The following UBL3 variants were observed in gnomAD, a reference collection of about 807,000 sequenced individuals.
UBL3 encodes the protein ubiquitin-like protein 3.
In UBL3, 6 loss-of-function variants were observed where a neutral mutation model predicts 18.4. That is an observed-to-expected ratio of 0.33 (90% CI 0.18 to 0.64). UBL3 has a LOEUF of 0.64. UBL3 is among the 30% of genes least tolerant of loss of function. The pLI, the probability that UBL3 is intolerant of heterozygous loss-of-function variation, is 0.76. For missense variants in UBL3, 109 were observed against 142.9 expected, an observed-to-expected ratio of 0.76 and a Z score of 1.21; for synonymous variants, 49 against 46.6, an observed-to-expected ratio of 1.05 and a Z score of -0.21.
chr13:29,845,331 T>G (rs1879203025), intron 1 of UBL3, among the ~76,000 whole-genome samples: 1 of 152,048 alleles, frequency 6.6e-6, no homozygotes, highest in Admixed American at 6.6e-5. Flanking sequence ...ATTAAGCTAT[T>G]CAAGTCACAC....
Position 29,765,846 on chromosome 13 carries a change from CCATTTA to C in UBL3, c.*1403_*1408del, listed in dbSNP as rs1876664423. On this transcript the variant is annotated 3_prime_UTR_variant, in exon 5 of 5. Transcript: ENST00000380680. ...TTTAAACAACGCTGACCATTTGAAA[CCATTTA>C]CATTTAATGTTTGTAAGGGCTGTTG... The C allele has an allele frequency of 6.7e-6, 1 of 148,794 alleles. No homozygotes were observed. The highest frequency in any genetic ancestry group is 1.5e-5 in the Non-Finnish European group (1 of 67,234). The allele number at this position is 148,794 out of a possible 1,614,324, so 9.2% of individuals were successfully genotyped here. A position where few individuals can be genotyped will look rare whatever the true frequency, so the allele number is the denominator to read the frequency against.
chr13:29,826,266 G>T (rs1878616338), intron 1 of UBL3, among the ~76,000 whole-genome samples: 1 of 152,218 alleles, frequency 6.6e-6, no homozygotes. Context: ...AGTTTCAGAA[G>T]GAATGGTACC....
chr13:29,802,276 A>T (rs370070899), intron 1 of UBL3, among the ~76,000 whole-genome samples: 62 of 152,350 alleles, frequency 4.1e-4, no homozygotes, highest in African/African-American at 1.4e-3. Flanking sequence ...AGGACAAGGC[A>T]CAAAGCTTTG....
At chr13:29,780,120 C>T (rs1335493394) in intron 1 of UBL3, among the ~76,000 whole-genome samples, 1 of 151,616 alleles carries the variant, frequency 6.6e-6, no homozygotes. Flanking sequence ...TTTGGGAGGC[C>T]AAGGCGGGAG....
At chr13:29,772,926 A>G (rs1876882813) in intron 2 of UBL3, among the ~76,000 whole-genome samples, 1 of 152,136 alleles carries the variant, frequency 6.6e-6, no homozygotes, top group Non-Finnish European at 1.5e-5. Context: ...ATATTATTGT[A>G]AAAGATGGAA....
chr13:29,834,597 T>TA (rs964192595), intron 1 of UBL3, among the ~76,000 whole-genome samples: 7 of 152,236 alleles, frequency 4.6e-5, no homozygotes, highest in South Asian at 2.1e-4. Flanking sequence ...GGCTTAATGA[T>TA]AAAAAAATGT....
chr13:29,770,812 T>C (rs1023709215), intron 3 of UBL3, among the ~76,000 whole-genome samples: 1 of 113,076 alleles, frequency 8.8e-6, no homozygotes, highest in African/African-American at 3.0e-5. Context: ...CATCTATTTA[T>C]ACAAAAGCTA....
chr13:29,832,952 G>C (rs928530837), intron 1 of UBL3, among the ~76,000 whole-genome samples: 3 of 152,246 alleles, frequency 2.0e-5, no homozygotes, highest in Non-Finnish European at 4.4e-5. Flanking sequence ...TCCACTTTAA[G>C]CAGAAAGTGA....
At chr13:29,791,089 A>T (rs1417216735) in intron 1 of UBL3, among the ~76,000 whole-genome samples, 1 of 152,198 alleles carries the variant, frequency 6.6e-6, no homozygotes, top group African/African-American at 2.4e-5. Context: ...ATTTCTTAAC[A>T]ACAGATATCT....
intron 1 of UBL3, among the ~76,000 whole-genome samples, chr13:29,807,314 T>C (rs1877921807): frequency 6.6e-6 from 1 of 152,326 alleles, no homozygotes; most frequent in Non-Finnish European, 1.5e-5. Context: ...GCTGACTATA[T>C]AATCTTGGGT....
rs1879341535 is a variant in UBL3, at chr13:29,850,335, T to G, written c.-797A>C. The stretch of plus-strand genomic sequence containing the variant: ...CGCATCGTCTCCGGCTCCTCGCCAC[T>G]CCTCTTCTGCCTCCGCCTTCCCCGC... On this transcript the variant is annotated 5_prime_UTR_variant, in exon 1 of 5. Transcript: ENST00000380680. 6.5e-6 allele frequency: 1 copy of G among 153,306 alleles called. No individual in the cohort carries two copies. Among genetic ancestry groups the G allele is most frequent in the Non-Finnish European group, 1.5e-5 (1 of 68,520 alleles). The allele number at this position is 153,306 out of a possible 1,614,324, so 9.5% of individuals were successfully genotyped here. A position where few individuals can be genotyped will look rare whatever the true frequency, so the allele number is the denominator to read the frequency against.
At chr13:29,813,370 T>C (rs995710494) in intron 1 of UBL3, among the ~76,000 whole-genome samples, 1 of 152,000 alleles carries the variant, frequency 6.6e-6, no homozygotes, top group Non-Finnish European at 1.5e-5. Context: ...TAAATCTTTT[T>C]TTACAATGAA....
intron 1 of UBL3, among the ~76,000 whole-genome samples, chr13:29,804,196 GAAC>G: frequency 2.0e-5 from 3 of 151,670 alleles, no homozygotes; most frequent in Admixed American, 2.0e-4. Context: ...CAGGTAAATT[GAAC>G]AACCTACTCC....
intron 1 of UBL3, among the ~76,000 whole-genome samples, chr13:29,838,432 T>C (rs1010228293): frequency 1.3e-5 from 2 of 152,170 alleles, no homozygotes; most frequent in African/African-American, 4.8e-5. Context: ...AACAACAACA[T>C]TACTCTTATT....
At chr13:29,795,365 T>A (rs73446273) in intron 1 of UBL3, among the ~76,000 whole-genome samples, 2,823 of 152,128 alleles carry the variant, frequency 0.019, 83 homozygotes, top group African/African-American at 0.064. Context: ...AACCTAATAA[T>A]ATAAAAAATA....
intron 1 of UBL3, among the ~76,000 whole-genome samples, chr13:29,806,766 A>C (rs1200541311): frequency 6.6e-6 from 1 of 152,186 alleles, no homozygotes; most frequent in Non-Finnish European, 1.5e-5. Flanking sequence ...GGATATTATA[A>C]TGGCCATGGC....
At chr13:29,831,599 A>G (rs1302602425) in intron 1 of UBL3, among the ~76,000 whole-genome samples, 1 of 151,882 alleles carries the variant, frequency 6.6e-6, no homozygotes, top group Middle Eastern at 3.2e-3. Context: ...AAAAGAAAAA[A>G]AAAAAAAAAA....
intron 3 of UBL3, 23 bp downstream of exon 3, chr13:29,772,089 C>T: frequency 1.3e-6 from 2 of 1,586,798 alleles, no homozygotes; most frequent in South Asian, 1.1e-5. Flanking sequence ...GACATTAAAT[C>T]CCATTACAAA....
At chr13:29,768,015 T>C (rs1341595083) in intron 3 of UBL3, among the ~76,000 whole-genome samples, 1 of 152,208 alleles carries the variant, frequency 6.6e-6, no homozygotes, top group African/African-American at 2.4e-5. Flanking sequence ...TTTAAAAGAA[T>C]ACTCTTTTCT....
Sources: allele counts gnomAD v4.1 joint callset (sites outside exome capture counted in the v4.1 genomes callset), GRCh38; gene constraint gnomAD v4.1.1; transcripts MANE v1.5; gene names NCBI Gene and HGNC (gene_info 2026-07-23, HGNC 2026-07-21).